The following C8orf34 variants were observed in gnomAD, a reference collection of about 807,000 sequenced individuals.
C8orf34 encodes uncharacterized protein C8orf34.
A neutral mutation model predicts 68.3 loss-of-function variants in C8orf34; 65 were observed. That is an observed-to-expected ratio of 0.95 (90% CI 0.78 to 1.17). C8orf34 has a LOEUF of 1.17. Among genes scored for constraint, C8orf34 ranks in the 50% most tolerant of loss-of-function variants. C8orf34 has a pLI of 0.00. For missense variants in C8orf34, 664 were observed against 655.4 expected, an observed-to-expected ratio of 1.01 and a Z score of -0.14; for synonymous variants, 244 against 241.2, an observed-to-expected ratio of 1.01 and a Z score of -0.11.
At chr8:68,585,939 C>T (rs988941574) in intron 7 of C8orf34, among the ~76,000 whole-genome samples, 1 of 152,012 alleles carries the variant, frequency 6.6e-6, no homozygotes, top group Non-Finnish European at 1.5e-5. Context: ...TATCAGTCAC[C>T]CAATCCAGCC....
chr8:68,410,961 T>A (rs1809418526), intron 1 of C8orf34, among the ~76,000 whole-genome samples: 1 of 152,206 alleles, frequency 6.6e-6, no homozygotes. Flanking sequence ...ACCCTTGTAG[T>A]AAGAATAGAA....
intron 1 of C8orf34, among the ~76,000 whole-genome samples, chr8:68,396,932 T>C (rs1808739413): frequency 6.6e-6 from 1 of 152,100 alleles, no homozygotes; most frequent in African/African-American, 2.4e-5. Flanking sequence ...CCCAGCTTCA[T>C]GTATTCCTTT....
intron 9 of C8orf34, among the ~76,000 whole-genome samples, chr8:68,713,115 T>A (rs1045199905): frequency 1.3e-5 from 2 of 152,142 alleles, no homozygotes; most frequent in Non-Finnish European, 2.9e-5. Context: ...AAAAAGTTCT[T>A]TGAACTGAAC....
At chr8:68,414,342 T>C (rs1423710973) in intron 1 of C8orf34, among the ~76,000 whole-genome samples, 1 of 152,200 alleles carries the variant, frequency 6.6e-6, no homozygotes, top group African/African-American at 2.4e-5. Flanking sequence ...GAGACTACTA[T>C]AAATATGTTG....
At chr8:68,412,158 T>A (rs1476148178) in intron 1 of C8orf34, among the ~76,000 whole-genome samples, 1 of 152,172 alleles carries the variant, frequency 6.6e-6, no homozygotes, top group Admixed American at 6.5e-5. Flanking sequence ...GTTTATAAAT[T>A]AGGTAGTCTG....
chr8:68,811,864 A>G (rs191463668), intron 12 of C8orf34, among the ~76,000 whole-genome samples: 79 of 152,280 alleles, frequency 5.2e-4, no homozygotes, highest in Middle Eastern at 3.4e-3. Flanking sequence ...ATTTTTTCCC[A>G]AGAATACAGA....
intron 10 of C8orf34, among the ~76,000 whole-genome samples, chr8:68,748,930 A>G (rs1250264044): frequency 6.6e-6 from 1 of 152,208 alleles, no homozygotes; most frequent in African/African-American, 2.4e-5. Flanking sequence ...ATAACGACAC[A>G]TGCACACGTA....
chr8:68,763,883 G>C (rs1016978639), intron 10 of C8orf34, among the ~76,000 whole-genome samples: 1 of 152,148 alleles, frequency 6.6e-6, no homozygotes, highest in African/African-American at 2.4e-5. Flanking sequence ...CTAGCCCAAG[G>C]CTGTATCCCT....
intron 7 of C8orf34, chr8:68,625,686 A>T (rs1378849335): frequency 4.3e-6 from 3 of 696,874 alleles, no homozygotes; most frequent in Non-Finnish European, 7.9e-6. Context: ...TCCCTGTGGC[A>T]CACCACAAGG....
intron 7 of C8orf34, among the ~76,000 whole-genome samples, chr8:68,557,435 C>T (rs959212507): frequency 6.6e-6 from 1 of 152,126 alleles, no homozygotes; most frequent in Non-Finnish European, 1.5e-5. Flanking sequence ...CCTAAAGATA[C>T]CAGATTCAAA....
chr8:68,422,789 T>C (rs1810036597), intron 1 of C8orf34, among the ~76,000 whole-genome samples: 1 of 152,206 alleles, frequency 6.6e-6, no homozygotes. Flanking sequence ...TGCCTGGACA[T>C]CCAGGCCCTT....
At chr8:68,653,529 G>A (rs1264265729) in intron 8 of C8orf34, among the ~76,000 whole-genome samples, 1 of 152,140 alleles carries the variant, frequency 6.6e-6, no homozygotes, top group Non-Finnish European at 1.5e-5. Flanking sequence ...ATAAACGAGG[G>A]AAATTTATTT....
chr8:68,341,533 A>G (rs1441978296), intron 1 of C8orf34, among the ~76,000 whole-genome samples: 3 of 152,158 alleles, frequency 2.0e-5, no homozygotes, highest in Non-Finnish European at 4.4e-5. Context: ...TCCATATCTC[A>G]TGTTGAGATG....
At chr8:68,569,592 CT>C (rs1379541178) in intron 7 of C8orf34, among the ~76,000 whole-genome samples, 1 of 152,228 alleles carries the variant, frequency 6.6e-6, no homozygotes, top group Non-Finnish European at 1.5e-5. Flanking sequence ...CTAAACATGA[CT>C]ACTGCTTCAT....
chr8:68,615,196 C>A (rs1165117461), intron 7 of C8orf34, among the ~76,000 whole-genome samples: 1 of 151,026 alleles, frequency 6.6e-6, no homozygotes, highest in East Asian at 1.9e-4. Flanking sequence ...TGGGCTGAGA[C>A]AATGGGGTTT....
intron 5 of C8orf34, among the ~76,000 whole-genome samples, chr8:68,514,688 A>G (rs1344679215): frequency 6.6e-6 from 1 of 152,226 alleles, no homozygotes; most frequent in African/African-American, 2.4e-5. Flanking sequence ...ATTTATTAAG[A>G]TAGCGTATAA....
At chr8:68,749,785 T>A (rs1002630512) in intron 10 of C8orf34, among the ~76,000 whole-genome samples, 1 of 152,236 alleles carries the variant, frequency 6.6e-6, no homozygotes, top group Non-Finnish European at 1.5e-5. Flanking sequence ...ATGACCATGT[T>A]ACATAGGAAA....
At chr8:68,522,672 AT>A (rs531020622) in intron 6 of C8orf34, among the ~76,000 whole-genome samples, 201 of 151,546 alleles carry the variant, frequency 1.3e-3, no homozygotes, top group African/African-American at 3.8e-3. Context: ...ATTCAGAGTA[AT>A]TTTTTTTTGT....
intron 10 of C8orf34, among the ~76,000 whole-genome samples, chr8:68,764,888 A>G (rs1027930714): frequency 6.6e-6 from 1 of 152,222 alleles, no homozygotes; most frequent in Non-Finnish European, 1.5e-5. Flanking sequence ...ACTTATTTGT[A>G]TATGAAGCCA....
Sources: allele counts gnomAD v4.1 joint callset (sites outside exome capture counted in the v4.1 genomes callset), GRCh38; gene constraint gnomAD v4.1.1; transcripts MANE v1.5; gene names NCBI Gene and HGNC (gene_info 2026-07-23, HGNC 2026-07-21).